The following TENM3 variants were observed in gnomAD, a reference collection of about 807,000 sequenced individuals.
TENM3 encodes the protein teneurin transmembrane protein 3.
In TENM3, 63 loss-of-function variants were observed where a neutral mutation model predicts 255.1. The observed-to-expected ratio is 0.25, with a 90% CI of 0.20 to 0.30. The LOEUF (loss-of-function observed/expected upper bound fraction) is 0.30. Ranked by LOEUF, TENM3 falls within the 10% of genes least tolerant of loss-of-function variation. The pLI is 1.00. For missense variants in TENM3, 2,929 were observed against 3,461.1 expected, an observed-to-expected ratio of 0.85 and a Z score of 3.86; for synonymous variants, 1,306 against 1,322.3, an observed-to-expected ratio of 0.99 and a Z score of 0.27.
chr4:182,015,780 C>G, the TENM3 span, among the ~76,000 whole-genome samples: 30 of 151,572 alleles, frequency 2.0e-4, no homozygotes, highest in Non-Finnish European at 3.2e-4. Flanking sequence ...AGGCTGGTCT[C>G]GAACTCCTGA....
chr4:182,381,311 T>C (rs932280758), intron 3 of TENM3, among the ~76,000 whole-genome samples: 1 of 152,106 alleles, frequency 6.6e-6, no homozygotes, highest in Admixed American at 6.5e-5. Context: ...CAGTTAGTTA[T>C]ATCTCTGTCA....
At chr4:181,875,961 G>A in the TENM3 span, among the ~76,000 whole-genome samples, 3 of 152,110 alleles carry the variant, frequency 2.0e-5, no homozygotes, top group Non-Finnish European at 2.9e-5. Flanking sequence ...AAGCAAAACA[G>A]CATTTGAAAG....
chr4:181,822,932 C>T, the TENM3 span, among the ~76,000 whole-genome samples: 8 of 151,962 alleles, frequency 5.3e-5, no homozygotes, highest in Non-Finnish European at 1.0e-4. Flanking sequence ...TGATTATTAG[C>T]TTTAATTAAG....
At chr4:182,336,603 G>A (rs1245974702) in intron 2 of TENM3, among the ~76,000 whole-genome samples, 2 of 152,182 alleles carry the variant, frequency 1.3e-5, no homozygotes, top group Non-Finnish European at 2.9e-5. Context: ...GAGAAGAAAA[G>A]CACCTTTCCA....
the TENM3 span, among the ~76,000 whole-genome samples, chr4:181,488,191 G>C: frequency 6.6e-6 from 1 of 152,154 alleles, no homozygotes; most frequent in Non-Finnish European, 1.5e-5. Context: ...TACTCACCTT[G>C]CATGTTGATT....
chr4:181,626,904 C>T, the TENM3 span, among the ~76,000 whole-genome samples: 4 of 152,196 alleles, frequency 2.6e-5, no homozygotes, highest in African/African-American at 9.7e-5. Flanking sequence ...AAGATAGAAG[C>T]AGAACAGGTC....
At chr4:182,517,574 G>A (rs967189062) in intron 3 of TENM3, among the ~76,000 whole-genome samples, 4 of 146,692 alleles carry the variant, frequency 2.7e-5, no homozygotes, top group African/African-American at 1.0e-4. Flanking sequence ...TAGTAGAGAC[G>A]GGGTTTCACC....
the TENM3 span, among the ~76,000 whole-genome samples, chr4:181,949,777 G>A: frequency 6.6e-6 from 1 of 151,968 alleles, no homozygotes; most frequent in African/African-American, 2.4e-5. Context: ...CACCCTCCAC[G>A]TTCCTCCTCA....
the TENM3 span, among the ~76,000 whole-genome samples, chr4:182,074,169 A>T: frequency 6.6e-6 from 1 of 152,168 alleles, no homozygotes; most frequent in Admixed American, 6.5e-5. Flanking sequence ...TTTCCTCGAA[A>T]CATAAAACAC....
chr4:182,509,252 A>C (rs180687408), intron 3 of TENM3, among the ~76,000 whole-genome samples: 1 of 152,206 alleles, frequency 6.6e-6, no homozygotes, highest in African/African-American at 2.4e-5. Flanking sequence ...CTGTATCCTC[A>C]GATGTGTTTA....
At chr4:181,564,285 A>T in the TENM3 span, among the ~76,000 whole-genome samples, 1 of 152,160 alleles carries the variant, frequency 6.6e-6, no homozygotes, top group Admixed American at 6.5e-5. Context: ...GTCATTCATT[A>T]TAGTATTAGC....
intron 19 of TENM3, among the ~76,000 whole-genome samples, chr4:182,745,879 C>T (rs933246440): frequency 6.6e-6 from 1 of 151,870 alleles, no homozygotes; most frequent in Non-Finnish European, 1.5e-5. Flanking sequence ...TCATTTTGTA[C>T]TAACTCCTGG....
chr4:182,161,839 GTATATATACACAAATATATATGTGTA>G, intron 1 of TENM3, among the ~76,000 whole-genome samples: 1 of 17,228 alleles, frequency 5.8e-5, no homozygotes, highest in Non-Finnish European at 1.0e-4. Context: ...ATATATATGT[GTATATATACACAAATATATATGTGTA>G]TATATGTGTA....
chr4:182,035,544 C>T, the TENM3 span, among the ~76,000 whole-genome samples: 1 of 152,182 alleles, frequency 6.6e-6, no homozygotes, highest in Admixed American at 6.5e-5. Context: ...TCTAAAAATT[C>T]TGCCTGTTTG....
chr4:182,033,653 T>C, the TENM3 span, among the ~76,000 whole-genome samples: 2 of 152,258 alleles, frequency 1.3e-5, no homozygotes, highest in South Asian at 2.1e-4. Flanking sequence ...TCTCCCACTA[T>C]TATTGTGTGG....
Position 182,650,831 on chromosome 4 carries a change from ATAGCATCTTCAG to A in TENM3, c.989-2936_989-2925del, listed in dbSNP as rs569764389. Among the ~76,000 whole-genome samples the A allele has an allele frequency of 5.4e-3, 820 of 150,642 alleles. 13 individuals are homozygous for A. Among genetic ancestry groups the A allele is most frequent in the African/African-American group, 0.019 (793 of 41,350 alleles). ...TATTTCTGGATATGAGTCTCATTAT[ATAGCATCTTCAG>A]TAGAACCAGCATCTCACTTTATTGA... On this transcript the variant is annotated intron_variant, in intron 5 of 27. Coordinates refer to ENST00000511685, the MANE Select transcript of TENM3 (RefSeq NM_001080477.4).
At chr4:182,119,094 C>T in the TENM3 span, among the ~76,000 whole-genome samples, 1 of 152,120 alleles carries the variant, frequency 6.6e-6, no homozygotes, top group Non-Finnish European at 1.5e-5. Context: ...TCAGCCCTCC[C>T]TCCCTTGGGT....
At chr4:181,487,770 C>CTGGG in the TENM3 span, among the ~76,000 whole-genome samples, 1 of 152,126 alleles carries the variant, frequency 6.6e-6, no homozygotes, top group Non-Finnish European at 1.5e-5. Flanking sequence ...AAAAGCATAT[C>CTGGG]TGGGTGGTCC....
chr4:182,450,851 GT>G (rs1773399063), intron 3 of TENM3, among the ~76,000 whole-genome samples: 1 of 152,196 alleles, frequency 6.6e-6, no homozygotes, highest in Non-Finnish European at 1.5e-5. Context: ...AAAATGAGTT[GT>G]TTAATTATGA....
Sources: gnomAD v4.1 joint callset for allele counts (sites outside exome capture counted in the v4.1 genomes callset) on GRCh38, gnomAD v4.1.1 for gene constraint, MANE v1.5 for transcripts, NCBI Gene and HGNC (gene_info 2026-07-23, HGNC 2026-07-21) for gene names.